RASEF: variants seen among roughly 807,000 people sequenced by gnomAD.
The protein encoded by RASEF is RAS and EF-hand domain containing, also known as ras and EF-hand domain-containing protein.
Under a neutral mutation model 90.1 loss-of-function variants are expected in RASEF, and 68 were observed. The observed-to-expected ratio is 0.75, with a 90% CI of 0.62 to 0.92. The LOEUF is 0.92. RASEF is among the 40% of genes least tolerant of loss of function. The pLI is 0.00. For missense variants in RASEF, 949 were observed against 937.2 expected (o/e 1.01, Z -0.16); for synonymous variants, 331 against 345.2 (o/e 0.96, Z 0.46).
At chr9:83,091,217 G>A in the RASEF span, among the ~76,000 whole-genome samples, 3 of 152,058 alleles carry the variant, frequency 2.0e-5, no homozygotes, top group South Asian at 2.1e-4. Context: ...ACCTGCACAC[G>A]ACCTTCCATA....
the RASEF span, among the ~76,000 whole-genome samples, chr9:83,135,696 G>T: frequency 2.6e-5 from 4 of 152,038 alleles, no homozygotes; most frequent in African/African-American, 9.7e-5. Flanking sequence ...TTTGAAAATG[G>T]TCCCATCTGT....
chr9:83,144,454 A>AAAGAG, the RASEF span, among the ~76,000 whole-genome samples: 1 of 147,750 alleles, frequency 6.8e-6, no homozygotes, highest in African/African-American at 2.5e-5. Flanking sequence ...AAAGAAAAGA[A>AAAGAG]AAGAGAAGAG....
chr9:83,144,991 C>T, the RASEF span, among the ~76,000 whole-genome samples: 1 of 152,228 alleles, frequency 6.6e-6, no homozygotes, highest in African/African-American at 2.4e-5. Flanking sequence ...TTCTCATAAA[C>T]ATCTCTAGTC....
the RASEF span, among the ~76,000 whole-genome samples, chr9:83,103,675 A>G: frequency 6.6e-6 from 1 of 152,314 alleles, no homozygotes; most frequent in East Asian, 1.9e-4. Context: ...TCATTGGAGA[A>G]TTACTATTAT....
At chr9:83,187,367 T>C in the RASEF span, among the ~76,000 whole-genome samples, 5 of 152,214 alleles carry the variant, frequency 3.3e-5, no homozygotes, top group Non-Finnish European at 7.3e-5. Flanking sequence ...CAGATGGTAG[T>C]TGCCCTTTTG....
chr9:83,171,023 A>G, the RASEF span, among the ~76,000 whole-genome samples: 1 of 151,938 alleles, frequency 6.6e-6, no homozygotes, highest in African/African-American at 2.4e-5. Flanking sequence ...AAAAGCTTTC[A>G]ATTTTTCCCC....
At chr9:83,172,706 A>G in the RASEF span, among the ~76,000 whole-genome samples, 1 of 151,832 alleles carries the variant, frequency 6.6e-6, no homozygotes. Flanking sequence ...ATATCTTTTT[A>G]TATTGTCTAT....
At chr9:83,206,396 A>G in the RASEF span, among the ~76,000 whole-genome samples, 2 of 152,244 alleles carry the variant, frequency 1.3e-5, no homozygotes, top group East Asian at 3.8e-4. Flanking sequence ...TGACAGGCAT[A>G]AAATACTTAT....
chr9:82,998,501 T>G lies in RASEF; in HGVS notation c.1724-55A>C, dbSNP rs146269022. On this transcript the variant is annotated intron_variant, in intron 12 of 16. Coordinates refer to ENST00000376447, the MANE Select transcript of RASEF (RefSeq NM_152573.4). ...GATGTAAATAATTCCATTGGCTTTT[T>G]ACTTTCAAGCCTTCTTTAGATGAAG... 8.1e-4 allele frequency: 938 copies of G among 1,152,488 alleles called. 16 individuals are homozygous for G. The East Asian group carries it at 0.021, about 26-fold the overall frequency. The allele number at this position is 1,152,488 out of a possible 1,614,324, so 71.4% of individuals were successfully genotyped here. A position where few individuals can be genotyped will look rare whatever the true frequency, so the allele number is the denominator to read the frequency against.
the RASEF span, among the ~76,000 whole-genome samples, chr9:83,153,563 C>T: frequency 6.6e-6 from 1 of 152,170 alleles, no homozygotes; most frequent in Non-Finnish European, 1.5e-5. Context: ...CCCTGAGCTG[C>T]CTTCTTTCCT....
the RASEF span, among the ~76,000 whole-genome samples, chr9:83,089,885 A>G: frequency 1.4e-5 from 2 of 143,782 alleles, no homozygotes; most frequent in African/African-American, 5.3e-5. Flanking sequence ...GGGACTTTAT[A>G]GATAGATGAT....
chr9:83,036,021 G>T (rs1002118452), intron 1 of RASEF, among the ~76,000 whole-genome samples: 1 of 152,212 alleles, frequency 6.6e-6, no homozygotes. Flanking sequence ...TGAATTTGTT[G>T]TATCTCCACT....
chr9:83,095,736 G>T, the RASEF span, among the ~76,000 whole-genome samples: 3 of 151,670 alleles, frequency 2.0e-5, no homozygotes, highest in Admixed American at 1.3e-4. Context: ...TATTTTCTCT[G>T]TTTAGGAATC....
intron 1 of RASEF, among the ~76,000 whole-genome samples, chr9:83,045,810 C>T (rs1039387674): frequency 2.4e-4 from 37 of 152,198 alleles, no homozygotes; most frequent in African/African-American, 8.7e-4. Flanking sequence ...CCCCAAGTAA[C>T]AGCCACTGAA....
At chr9:82,988,136 T>A (rs1212466634) in intron 16 of RASEF, among the ~76,000 whole-genome samples, 1 of 152,228 alleles carries the variant, frequency 6.6e-6, no homozygotes, top group Non-Finnish European at 1.5e-5. Context: ...AACACAACCA[T>A]TTGAAAAGTA....
chr9:83,024,616 G>A (rs1829507875), intron 2 of RASEF, among the ~76,000 whole-genome samples: 1 of 152,046 alleles, frequency 6.6e-6, no homozygotes, highest in South Asian at 2.1e-4. Flanking sequence ...GCCCCTAGAA[G>A]GCTAATTTGA....
intron 2 of RASEF, among the ~76,000 whole-genome samples, chr9:83,024,411 G>A (rs1005099768): frequency 1.3e-5 from 2 of 152,154 alleles, no homozygotes; most frequent in South Asian, 4.1e-4. Context: ...ATATCTCTGT[G>A]TGGGTCTGTG....
At chr9:83,005,300 CA>C (rs1829108781) in intron 8 of RASEF, 115 bp downstream of exon 8, 1 of 696,092 alleles carries the variant, frequency 1.4e-6, no homozygotes, top group African/African-American at 1.8e-5. Flanking sequence ...AAGATCTTCT[CA>C]TTATTATAAG....
At chr9:83,140,687 G>T in the RASEF span, among the ~76,000 whole-genome samples, 1 of 152,208 alleles carries the variant, frequency 6.6e-6, no homozygotes, top group Non-Finnish European at 1.5e-5. Flanking sequence ...GAACATCAAA[G>T]AAAGAAATTA....
Sources: allele counts gnomAD v4.1 joint callset (sites outside exome capture counted in the v4.1 genomes callset), GRCh38; gene constraint gnomAD v4.1.1; transcripts MANE v1.5; gene names NCBI Gene and HGNC (gene_info 2026-07-23, HGNC 2026-07-21).